The following MCUB variants were observed in gnomAD, a reference collection of about 807,000 sequenced individuals.
MCUB encodes mitochondrial calcium uniporter dominant negative subunit beta.
MCUB carries 46 observed loss-of-function variants against 41.4 expected under a neutral mutation model. The ratio of observed to expected loss-of-function variants is 1.11; its 90% CI spans 0.88 to 1.42. MCUB has a LOEUF of 1.42. Among genes scored for constraint, MCUB ranks in the 40% most tolerant of loss-of-function variants. The probability of loss-of-function intolerance (pLI) is 0.00; values close to 1 mark genes in which losing one functional copy is unlikely to be tolerated. For synonymous variants in MCUB, 148 were observed against 148.2 expected (o/e 1.00, Z 0.01); for missense variants, 403 against 404.9 (o/e 1.00, Z 0.04).
At chr4:109,641,146 C>T (rs1157560078) in intron 1 of MCUB, among the ~76,000 whole-genome samples, 9 of 151,954 alleles carry the variant, frequency 5.9e-5, no homozygotes, top group African/African-American at 9.7e-5. Flanking sequence ...TCTGTCGCCC[C>T]GGCTGGCGTG....
At chr4:109,618,989 T>TACCA (rs1728189224) in intron 1 of MCUB, among the ~76,000 whole-genome samples, 1 of 133,732 alleles carries the variant, frequency 7.5e-6, no homozygotes, top group Non-Finnish European at 1.6e-5. Context: ...TCTCTCTCTC[T>TACCA]ACCTACCAAC....
chr4:109,598,397 G>A (rs540863707), intron 1 of MCUB, among the ~76,000 whole-genome samples: 49 of 152,288 alleles, frequency 3.2e-4, no homozygotes, highest in Middle Eastern at 6.8e-3. Context: ...GCTGAAGACC[G>A]GCCAGGCCAA....
In MCUB at chr4:109,684,615, T is replaced by C; in HGVS notation, c.785T>C (p.Val262Ala). The C allele has an allele frequency of 1.3e-6, 2 of 1,570,280 alleles. No homozygotes were observed. Among genetic ancestry groups the C allele is most frequent in the Non-Finnish European group, 8.8e-7 (1 of 1,140,288 alleles). The change falls in exon 6 of 8, where the codon GTC becomes GCC. Residue 262 changes from valine (V) to alanine (A), a missense_variant. Transcript: ENST00000394650. ...TYFITFANSM[V>A]FFAYFIVTRQ... is the part of the protein sequence containing the mutation. The stretch of plus-strand genomic sequence containing the variant: ...TTCATCACATTTGCAAATTCTATGG[T>C]CTTTTTTGCATACTTTATAGTCACT...
At chr4:109,642,365 T>C (rs971477276) in intron 1 of MCUB, among the ~76,000 whole-genome samples, 2 of 152,218 alleles carry the variant, frequency 1.3e-5, no homozygotes, top group South Asian at 4.1e-4. Flanking sequence ...CGTAGCACCA[T>C]ATTATTTTCG....
intron 1 of MCUB, among the ~76,000 whole-genome samples, chr4:109,627,585 G>A (rs1160192253): frequency 2.0e-5 from 3 of 152,172 alleles, no homozygotes; most frequent in Non-Finnish European, 1.5e-5. Context: ...GGCCCTTGGT[G>A]CTGCAGATAA....
chr4:109,597,840 G>C (rs1727612915), intron 1 of MCUB, among the ~76,000 whole-genome samples: 1 of 151,484 alleles, frequency 6.6e-6, no homozygotes, highest in Non-Finnish European at 1.5e-5. Flanking sequence ...TTCTCAGACG[G>C]GGCGGTTGCC....
chr4:109,566,504 A>C, intron 1 of MCUB, among the ~76,000 whole-genome samples: 1 of 151,890 alleles, frequency 6.6e-6, no homozygotes, highest in East Asian at 1.9e-4. Context: ...ATAAAGGAAA[A>C]ACAGTTATTA....
chr4:109,683,315 G>A (rs1460937374), intron 5 of MCUB: 1 of 152,180 alleles, frequency 6.6e-6, no homozygotes, highest in African/African-American at 2.4e-5. Flanking sequence ...AGGTATATGT[G>A]TATCTTTGAA....
At position 109,601,321 on chromosome 4, in the gene MCUB, C is replaced by G. The variant is rs141028371; in HGVS notation, c.99+40885C>G. On this transcript the variant is annotated intron_variant, in intron 1 of 7. Transcript: ENST00000394650. ...TACTATAGTCACCCTGTTGTGCTAT[C>G]AAATACTAGGTCTTATTCTTTCTAA... is the stretch of plus-strand genomic sequence containing the variant. Among the ~76,000 whole-genome samples the G allele has an allele frequency of 5.9e-3, 898 of 152,242 alleles. 30 individuals are homozygous for G. In the South Asian group the frequency reaches 0.073, roughly 12 times the overall value.
intron 7 of MCUB, among the ~76,000 whole-genome samples, chr4:109,685,624 C>G (rs559320217): frequency 6.6e-6 from 1 of 152,270 alleles, no homozygotes; most frequent in Middle Eastern, 3.4e-3. Context: ...TAAAAGTTTT[C>G]ACTGGAAATC....
At chr4:109,623,429 C>T (rs1728295214) in intron 1 of MCUB, among the ~76,000 whole-genome samples, 1 of 152,164 alleles carries the variant, frequency 6.6e-6, no homozygotes, top group Non-Finnish European at 1.5e-5. Flanking sequence ...CAAAAGGCAT[C>T]ATAATTTTCT....
chr4:109,653,219 T>A (rs1729002247), intron 1 of MCUB, among the ~76,000 whole-genome samples: 1 of 151,744 alleles, frequency 6.6e-6, no homozygotes, highest in Non-Finnish European at 1.5e-5. Flanking sequence ...CTACTAAAAA[T>A]ACACAAAAAA....
rs151132183 is a variant in MCUB at position 109,570,107 on chromosome 4, C to T, written c.99+9671C>T. ...ACTACTTCCATAAATAGAGCCTTTCCTGATTACCTAGATGAAAATCATCTT... is the reference window on the plus strand; with the variant it reads ...ACTACTTCCATAAATAGAGCCTTTCTTGATTACCTAGATGAAAATCATCTT... On this transcript the variant is annotated intron_variant, in intron 1 of 7. Coordinates refer to ENST00000394650, the MANE Select transcript of MCUB (RefSeq NM_017918.5). Among the ~76,000 whole-genome samples, 606 of 152,258 alleles carry T rather than the reference C, an allele frequency of 4.0e-3. 27 individuals carry two copies. In the East Asian group the frequency reaches 0.052, roughly 13 times the overall value.
intron 1 of MCUB, among the ~76,000 whole-genome samples, chr4:109,626,674 A>G (rs989627426): frequency 2.0e-5 from 3 of 152,114 alleles, no homozygotes; most frequent in Admixed American, 6.5e-5. Context: ...TTAGCCAGGC[A>G]TGGTGGCATG....
At chr4:109,651,320 C>T (rs1348862712) in intron 1 of MCUB, among the ~76,000 whole-genome samples, 5 of 152,184 alleles carry the variant, frequency 3.3e-5, no homozygotes, top group Non-Finnish European at 7.3e-5. Flanking sequence ...ATCCATTGAG[C>T]ACTTCCTTGC....
rs145406683 is a variant in MCUB at position 109,562,708 on chromosome 4, T to G, written c.99+2272T>G. Reference sequence around the variant, plus strand: ...CATAAAATCTTAGCTTGCAAGGACTTGTCGTAAGCAGTATTTCAAATAAGC... The same window carrying G: ...CATAAAATCTTAGCTTGCAAGGACTGGTCGTAAGCAGTATTTCAAATAAGC... On this transcript the variant is annotated intron_variant, in intron 1 of 7. Transcript: ENST00000394650. Among the ~76,000 whole-genome samples the G allele has an allele frequency of 3.4e-3, 511 of 152,338 alleles. 3 individuals carry two copies. Among genetic ancestry groups the G allele is most frequent in the African/African-American group, 0.012 (497 of 41,580 alleles).
intron 4 of MCUB, among the ~76,000 whole-genome samples, chr4:109,673,378 C>T (rs1261622424): frequency 6.6e-6 from 1 of 152,210 alleles, no homozygotes; most frequent in African/African-American, 2.4e-5. Context: ...CTCCTGCCCA[C>T]TCATTAGAAA....
chr4:109,612,661 C>G (rs1192398488), intron 1 of MCUB, among the ~76,000 whole-genome samples: 2 of 152,086 alleles, frequency 1.3e-5, no homozygotes, highest in Non-Finnish European at 2.9e-5. Flanking sequence ...TCTCCTGATA[C>G]CAGTATATTG....
intron 1 of MCUB, among the ~76,000 whole-genome samples, chr4:109,607,704 T>C (rs771602678): frequency 6.6e-6 from 1 of 152,220 alleles, no homozygotes; most frequent in Non-Finnish European, 1.5e-5. Context: ...TTTAAATATG[T>C]CATGCCACTC....
Sources: allele counts gnomAD v4.1 joint callset (sites outside exome capture counted in the v4.1 genomes callset), GRCh38; gene constraint gnomAD v4.1.1; transcripts MANE v1.5; gene names NCBI Gene and HGNC (gene_info 2026-07-23, HGNC 2026-07-21).